TRIM71: variants seen among roughly 807,000 people sequenced by gnomAD.
The protein encoded by TRIM71 is E3 ubiquitin-protein ligase TRIM71.
In TRIM71, 9 loss-of-function variants were observed where a neutral mutation model predicts 61.2. The observed-to-expected ratio is 0.15, with a 90% CI of 0.09 to 0.26. The LOEUF (loss-of-function observed/expected upper bound fraction) is 0.26, where lower values mean the gene tolerates loss of function less well. Ranked by LOEUF, TRIM71 falls within the 10% of genes least tolerant of loss-of-function variation. The pLI is 1.00. For missense variants in TRIM71, 998 were observed against 1,238.7 expected, an observed-to-expected ratio of 0.81 and a Z score of 2.92; for synonymous variants, 645 against 553.2, an observed-to-expected ratio of 1.17 and a Z score of -2.33.
chr3:32,846,574 C>T (rs1204853157), intron 1 of TRIM71, among the ~76,000 whole-genome samples: 1 of 152,124 alleles, frequency 6.6e-6, no homozygotes, highest in Non-Finnish European at 1.5e-5. Flanking sequence ...CCATGCTGTG[C>T]ATTAGCTCTT....
chr3:32,840,552 C>T (rs1476517752), intron 1 of TRIM71, among the ~76,000 whole-genome samples: 2 of 152,190 alleles, frequency 1.3e-5, no homozygotes, highest in South Asian at 2.1e-4. Flanking sequence ...CAATTGTAAT[C>T]TGTGCTGGAG....
At chr3:32,869,880 C>T (rs527357448) in intron 1 of TRIM71, among the ~76,000 whole-genome samples, 17 of 152,264 alleles carry the variant, frequency 1.1e-4, no homozygotes, top group Admixed American at 9.2e-4. Flanking sequence ...TCGCCAGGCC[C>T]GAGGGGGCGT....
intron 1 of TRIM71, among the ~76,000 whole-genome samples, chr3:32,840,925 C>T (rs1696396746): frequency 6.6e-6 from 1 of 152,158 alleles, no homozygotes; most frequent in Non-Finnish European, 1.5e-5. Context: ...ATCTTATCCA[C>T]AAACTAAAGA....
In TRIM71 at chr3:32,890,495, C is replaced by G. The variant is rs1022031446; in HGVS notation, c.1291C>G (p.Leu431Val). ...VLEEGRALDI[L>V]LARDRMLAQV... Reference sequence around the variant, plus strand: ...GGAGGAGGGTAGAGCGCTAGACATCCTACTGGCCCGAGACCGGATGCTGGC... The same window carrying G: ...GGAGGAGGGTAGAGCGCTAGACATCGTACTGGCCCGAGACCGGATGCTGGC... The change falls in exon 4 of 4, where the codon CTA becomes GTA. Residue 431 changes from leucine (L) to valine (V), a missense_variant. Leu to Val is a conservative substitution (Grantham distance 32). This residue lies in a region of TRIM71 where 291 missense variants were observed against 431.2 expected (regional missense o/e 0.67). Coordinates refer to ENST00000383763, the MANE Select transcript of TRIM71 (RefSeq NM_001039111.3). This position sits in a 1 kb window ranked among gnomAD's most constrained non-coding sequence, Gnocchi z 6.2. The G allele has an allele frequency of 6.2e-7, 1 of 1,614,206 alleles. No homozygotes were observed. Among genetic ancestry groups the G allele is most frequent in the African/African-American group, 1.3e-5 (1 of 75,078 alleles).
At chr3:32,874,049 A>T (rs1334974506) in intron 2 of TRIM71, 64 bp downstream of exon 2, 1 of 1,503,838 alleles carries the variant, frequency 6.6e-7, no homozygotes, top group Non-Finnish European at 8.9e-7. Context: ...GTCGGGTGGC[A>T]TGGACAGACA....
chr3:32,843,764 T>C (rs1696438044), intron 1 of TRIM71, among the ~76,000 whole-genome samples: 1 of 152,190 alleles, frequency 6.6e-6, no homozygotes, highest in Non-Finnish European at 1.5e-5. Context: ...CAAGGGCCAT[T>C]AGCTGAGGGA....
chr3:32,846,161 C>T (rs575721484), intron 1 of TRIM71, among the ~76,000 whole-genome samples: 4 of 150,992 alleles, frequency 2.6e-5, no homozygotes, highest in African/African-American at 7.3e-5. Context: ...CTGCAAGCTC[C>T]GCCTCCCGGG....
chr3:32,873,788 A>G (rs1448048958), intron 1 of TRIM71, 30 bp from the exon 2 acceptor site: 3 of 1,491,940 alleles, frequency 2.0e-6, no homozygotes, highest in South Asian at 1.4e-5. Flanking sequence ...CTGCATCTCC[A>G]TTTATGCCTG....
At position 32,850,510 on chromosome 3, in the gene TRIM71, C is replaced by A. The variant is rs926180154; in HGVS notation, c.853-23308C>A. ...TCCTCCATTAATGATCAGCATGGCTCCCTCCAGGAATGGAAATTGTCAGAT... is the reference window on the plus strand; with the variant it reads ...TCCTCCATTAATGATCAGCATGGCTACCTCCAGGAATGGAAATTGTCAGAT... On this transcript the variant is annotated intron_variant, in intron 1 of 3. Transcript: ENST00000383763. Among the ~76,000 whole-genome samples, 7 of 152,176 alleles carry A rather than the reference C, an allele frequency of 4.6e-5. No individual in the cohort carries two copies. The South Asian group carries it at 8.3e-4, about 18-fold the overall frequency.
At chr3:32,838,218 T>TATC (rs1472871099) in intron 1 of TRIM71, among the ~76,000 whole-genome samples, 1 of 152,028 alleles carries the variant, frequency 6.6e-6, no homozygotes. Context: ...ACTATATGCT[T>TATC]ATTATTATTA....
At chr3:32,830,024 G>T (rs1696252004) in intron 1 of TRIM71, among the ~76,000 whole-genome samples, 1 of 150,840 alleles carries the variant, frequency 6.6e-6, no homozygotes, top group Middle Eastern at 3.5e-3. Flanking sequence ...CTGCCTCCTG[G>T]GTTCCAGCAT....
rs1697078000 is a variant in TRIM71, at chr3:32,896,379, G to A, written c.*4568G>A. The A allele has an allele frequency of 6.6e-6, 1 of 152,112 alleles. No homozygotes were observed. Among genetic ancestry groups the A allele is most frequent in the South Asian group, 2.1e-4 (1 of 4,828 alleles). The allele number at this position is 152,112 out of a possible 1,614,324, so 9.4% of individuals were successfully genotyped here. ...CTGTTTTGACTGAGCAGTGACTGTT[G>A]AAGTGTGTATTGCTCTTTTGTTTTG... On this transcript the variant is annotated 3_prime_UTR_variant, in exon 4 of 4. Transcript: ENST00000383763.
At chr3:32,879,633 AT>A (rs892863507) in intron 2 of TRIM71, among the ~76,000 whole-genome samples, 29 of 151,404 alleles carry the variant, frequency 1.9e-4, no homozygotes, top group African/African-American at 6.5e-4. Flanking sequence ...ACACCAGTAG[AT>A]TTGGTTGATG....
intron 1 of TRIM71, among the ~76,000 whole-genome samples, chr3:32,857,234 A>G (rs1016374025): frequency 2.6e-5 from 4 of 152,154 alleles, no homozygotes; most frequent in Non-Finnish European, 2.9e-5. Context: ...TCTTTGCTCA[A>G]GCTGTTCCTT....
chr3:32,868,966 A>G (rs1235544143), intron 1 of TRIM71, among the ~76,000 whole-genome samples: 1 of 152,234 alleles, frequency 6.6e-6, no homozygotes, highest in Non-Finnish European at 1.5e-5. Flanking sequence ...TTTGGGCTGC[A>G]GATTTGAGCA....
rs1027692416 is a variant in TRIM71 at position 32,894,924 on chromosome 3, TG to T, written c.*3117del. 7.9e-5 allele frequency: 12 copies of T among 152,286 alleles called. No individual in the cohort carries two copies. The highest frequency in any genetic ancestry group is 7.8e-4 in the Admixed American group (12 of 15,294). 9.4% of individuals were successfully genotyped at this position (152,286 alleles called of 1,614,324 possible). On this transcript the variant is annotated 3_prime_UTR_variant, in exon 4 of 4. Transcript: ENST00000383763. The stretch of plus-strand genomic sequence containing the variant: ...TGAGGTAGGAGAATAAAAAGGTTTC[TG>T]GGGAGTAAGTATGACAATTACTAGT...
chr3:32,820,571 G>A (rs868239037), intron 1 of TRIM71, among the ~76,000 whole-genome samples: 1 of 152,210 alleles, frequency 6.6e-6, no homozygotes, highest in Admixed American at 6.5e-5. Flanking sequence ...GGGATCAAAT[G>A]CAGGGTGAGC....
rs1292978279 is a variant in TRIM71, at chr3:32,893,798, A to G, written c.*1987A>G. 6.6e-6 allele frequency: 1 copy of G among 152,100 alleles called. No individual in the cohort carries two copies. Among genetic ancestry groups the G allele is most frequent in the African/African-American group, 2.4e-5 (1 of 41,420 alleles). 9.4% of individuals were successfully genotyped at this position (152,100 alleles called of 1,614,324 possible). A position where few individuals can be genotyped will look rare whatever the true frequency, so the allele number is the denominator to read the frequency against. On this transcript the variant is annotated 3_prime_UTR_variant, in exon 4 of 4. Coordinates refer to ENST00000383763, the MANE Select transcript of TRIM71 (RefSeq NM_001039111.3). ...GGACGTTTAATTTACTACTACTACA[A>G]GCTACTCTGTCTCTTCCCATTGCTT...
At position 32,895,943 on chromosome 3, in the gene TRIM71, A is replaced by C. The variant is rs1186061106; in HGVS notation, c.*4132A>C. On this transcript the variant is annotated 3_prime_UTR_variant, in exon 4 of 4. Transcript: ENST00000383763. Reference sequence around the variant, plus strand: ...CTACCTCTAAAAGAAATGTTACCATAAATCTACAACTGATTTCTCCCAGGA... The same window carrying C: ...CTACCTCTAAAAGAAATGTTACCATCAATCTACAACTGATTTCTCCCAGGA... 3.3e-5 allele frequency: 5 copies of C among 152,470 alleles called. No homozygotes were observed. The highest frequency in any genetic ancestry group is 7.3e-5 in the Non-Finnish European group (5 of 68,046). 9.4% of individuals were successfully genotyped at this position (152,470 alleles called of 1,614,324 possible). A position where few individuals can be genotyped will look rare whatever the true frequency, so the allele number is the denominator to read the frequency against.
Sources: allele counts gnomAD v4.1 joint callset (sites outside exome capture counted in the v4.1 genomes callset), GRCh38; gene constraint gnomAD v4.1.1; regional missense constraint gnomAD v4.1.1; non-coding constraint Gnocchi (gnomAD v3.1); transcripts MANE v1.5; gene names NCBI Gene and HGNC (gene_info 2026-07-23, HGNC 2026-07-21).